Variants in HIP1 observed in about 807,000 individuals in gnomAD.
HIP1 encodes the protein huntingtin-interacting protein 1.
HIP1 carries 65 observed loss-of-function variants against 147.6 expected under a neutral mutation model. That is an observed-to-expected ratio of 0.44 (90% confidence interval 0.36 to 0.54). The LOEUF (loss-of-function observed/expected upper bound fraction) is 0.54. Among genes scored for constraint, HIP1 ranks in the 20% least tolerant of loss-of-function variants. The pLI, the probability that HIP1 is intolerant of heterozygous loss-of-function variation, is 0.00. For missense variants in HIP1, 1,061 were observed against 1,299.6 expected (o/e 0.82, Z 2.82); for synonymous variants, 479 against 504.0 (o/e 0.95, Z 0.67).
rs1199276056 is a variant in HIP1 at position 75,703,602 on chromosome 7, CA to C, written c.120+35198del. ...AGACAACAAGAGCGAAACTCCGTCT[CA>C]AAAAAAAAAACAAAACAAAACAACA... On this transcript the variant is annotated intron_variant, in intron 1 of 30. Transcript: ENST00000336926. 4.0e-4 allele frequency among the ~76,000 whole-genome samples: 51 copies of C among 127,940 alleles called. No individual in the cohort carries two copies. In the East Asian group the frequency reaches 4.1e-3, roughly 10 times the overall value. 83.9% of individuals were successfully genotyped at this position (127,940 alleles called of 152,430 possible). A position where few individuals can be genotyped will look rare whatever the true frequency, so the allele number is the denominator to read the frequency against.
intron 2 of HIP1, among the ~76,000 whole-genome samples, 187 bp from the exon 3 acceptor site, chr7:75,592,701 G>A (rs587755646): frequency 6.6e-6 from 1 of 152,290 alleles, no homozygotes; most frequent in Non-Finnish European, 1.5e-5. Flanking sequence ...AGTAGTGCAA[G>A]TCGTGGTTGG....
At chr7:75,719,083 C>T (rs1212446588) in intron 1 of HIP1, among the ~76,000 whole-genome samples, 1 of 151,820 alleles carries the variant, frequency 6.6e-6, no homozygotes, top group Non-Finnish European at 1.5e-5. Flanking sequence ...TTTGGGAGGC[C>T]GAGGTGGGAG....
chr7:75,613,618 G>T lies in HIP1; in HGVS notation c.121-14371C>A, dbSNP rs79406168. On this transcript the variant is annotated intron_variant, in intron 1 of 30. Transcript: ENST00000336926. ...AAGCTACTTGCAAGTAGTACAGCCA[G>T]CAAGAAGTGGAGCCAGAATTCAAAC... Among the ~76,000 whole-genome samples the T allele has an allele frequency of 8.3e-3, 1,271 of 152,262 alleles. 17 individuals are homozygous for T. The highest frequency in any genetic ancestry group is 0.029 in the African/African-American group (1,221 of 41,552).
intron 1 of HIP1, among the ~76,000 whole-genome samples, chr7:75,717,258 A>C (rs536155851): frequency 2.8e-4 from 43 of 152,288 alleles, no homozygotes; most frequent in African/African-American, 9.9e-4. Context: ...ATTGGTGATA[A>C]ATACACAAAA....
In HIP1 at chr7:75,550,183, T is replaced by C. The variant is rs375957420; in HGVS notation, c.2296-1182A>G. On this transcript the variant is annotated intron_variant, in intron 22 of 30. Transcript: ENST00000336926. ...AGCAAAGCCTATGATTTTTAAAACA[T>C]GATGTGTTATACATACTAAGGTATA... 7.0e-4 allele frequency among the ~76,000 whole-genome samples: 106 copies of C among 152,264 alleles called. 1 individual carries two copies. Among genetic ancestry groups the C allele is most frequent in the African/African-American group, 2.4e-3 (100 of 41,560 alleles).
intron 1 of HIP1, among the ~76,000 whole-genome samples, chr7:75,607,058 C>T (rs888418092): frequency 6.6e-6 from 1 of 151,502 alleles, no homozygotes; most frequent in African/African-American, 2.4e-5. Flanking sequence ...AGCGAGACCC[C>T]ATCTCTAAAA....
chr7:75,595,761 GA>G (rs1302994310), intron 2 of HIP1, among the ~76,000 whole-genome samples: 2 of 151,758 alleles, frequency 1.3e-5, no homozygotes, highest in African/African-American at 4.8e-5. Context: ...CATTCAGGGA[GA>G]AAAAAAAGAA....
chr7:75,595,232 C>CT (rs1563230160), intron 2 of HIP1, among the ~76,000 whole-genome samples: 1 of 111,040 alleles, frequency 9.0e-6, no homozygotes, highest in South Asian at 3.2e-4. Context: ...TTCTTTCTTT[C>CT]TTTCTTTCTT....
At chr7:75,611,958 C>G in intron 1 of HIP1, 1 of 820,074 alleles carries the variant, frequency 1.2e-6, no homozygotes, top group African/African-American at 1.8e-5. Flanking sequence ...AATGGGAAAC[C>G]CTCTGGCCTT....
In HIP1 at chr7:75,599,220, T is replaced by C. The variant is rs1796879200; in HGVS notation, c.148A>G (p.Thr50Ala). 2 of 1,613,458 alleles carry C rather than the reference T, an allele frequency of 1.2e-6. No homozygotes were observed. Among genetic ancestry groups the C allele is most frequent in the Non-Finnish European group, 1.7e-6 (2 of 1,179,378 alleles). The change falls in exon 2 of 31, where the codon ACG (threonine) becomes GCG (alanine). Residue 50 changes from threonine to alanine, a missense_variant. Around this residue, in one of 3 missense-constraint regions of HIP1, gnomAD observed 225 missense variants for 292.9 expected, o/e 0.77. Coordinates refer to ENST00000336926, the MANE Select transcript of HIP1 (RefSeq NM_005338.7). ...QTVSINKAIN[T>A]QEVAVKEKHA... is the part of the protein sequence containing the mutation. ...TTTTCCTTTACAGCCACTTCCTGCG[T>C]ATTAATGGCCTTATTGATGCTGACA...
At chr7:75,556,946 G>T in intron 16 of HIP1, 135 bp from the exon 17 acceptor site, 1 of 561,528 alleles carries the variant, frequency 1.8e-6, no homozygotes. Context: ...CCCCAAAAAA[G>T]TGCAGGGTGT....
chr7:75,690,738 T>A (rs1433982387), intron 1 of HIP1, among the ~76,000 whole-genome samples: 2 of 152,010 alleles, frequency 1.3e-5, no homozygotes, highest in African/African-American at 4.8e-5. Context: ...GGTGCATGCC[T>A]GTAATCCCAG....
chr7:75,554,215 T>C lies in HIP1; in HGVS notation c.2056A>G (p.Ser686Gly). ...SQYLACPEDI[S>G]GLLHSITLLA... ...AGGGTTATGGAATGGAGAAGTCCAC[T>C]GATGTCTGCCAGGATTGGAAAGAGA... The change falls in exon 21 of 31, where the codon AGT (serine) becomes GGT (glycine). Residue 686 changes from serine (S) to glycine (G), a missense_variant. Around this residue, in one of 3 missense-constraint regions of HIP1, gnomAD observed 810 missense variants for 946.8 expected, o/e 0.86. Coordinates refer to ENST00000336926, the MANE Select transcript of HIP1 (RefSeq NM_005338.7). 2 of 1,613,112 alleles carry C rather than the reference T, an allele frequency of 1.2e-6. No homozygotes were observed. The highest frequency in any genetic ancestry group is 1.7e-6 in the Non-Finnish European group (2 of 1,179,184).
In HIP1 at chr7:75,539,426, C is replaced by A; in HGVS notation, c.2958G>T (p.Arg986Ser). The change falls in exon 30 of 31, where the codon AGG becomes AGT. Residue 986 changes from arginine (R) to serine (S), a missense_variant. By Grantham distance (110) the Arg-to-Ser change is moderately radical. Around this residue, in one of 3 missense-constraint regions of HIP1, gnomAD observed 810 missense variants for 946.8 expected, o/e 0.86. Transcript: ENST00000336926. ...IKRQEMDSQV[R>S]VLELENELQK... The stretch of plus-strand genomic sequence containing the variant: ...GCAATTCATTTTCTAGCTCTAGCAC[C>A]CTAACCTGTAAGGGAAATTAAGTGG... The A allele has an allele frequency of 6.2e-7, 1 of 1,612,760 alleles. No individual in the cohort carries two copies. The highest frequency in any genetic ancestry group is 8.5e-7 in the Non-Finnish European group (1 of 1,178,750).
At chr7:75,675,205 T>C (rs1047572106) in intron 1 of HIP1, among the ~76,000 whole-genome samples, 5 of 151,858 alleles carry the variant, frequency 3.3e-5, no homozygotes, top group Non-Finnish European at 7.4e-5. Flanking sequence ...CTGATACTGA[T>C]TTTTTTTCTT....
chr7:75,559,713 G>GGGGCCCCCCCCCC lies in HIP1; in HGVS notation c.1375+18_1375+19insGGGGGGGGGGCCC. ...GCGCCTGCCCCCGGGGCCCGCCCCC[G>GGGGCCCCCCCCCC]CCCCCACCCACCGCTCACTTTCTAT... On this transcript the variant is annotated intron_variant, in intron 14 of 30. Coordinates refer to ENST00000336926, the MANE Select transcript of HIP1 (RefSeq NM_005338.7). 1 of 259,574 alleles carries GGGGCCCCCCCCCC rather than the reference G, an allele frequency of 3.9e-6. No homozygotes were observed. The allele number at this position is 259,574 out of a possible 1,614,324, so 16.1% of individuals were successfully genotyped here.
chr7:75,703,032 T>A (rs1362075674), intron 1 of HIP1, among the ~76,000 whole-genome samples: 1 of 151,812 alleles, frequency 6.6e-6, no homozygotes, highest in Non-Finnish European at 1.5e-5. Context: ...AGACTTCTGG[T>A]AGAGAAAAAA....
chr7:75,682,553 C>G (rs1380592889), intron 1 of HIP1, among the ~76,000 whole-genome samples: 1 of 150,374 alleles, frequency 6.7e-6, no homozygotes, highest in African/African-American at 2.5e-5. Context: ...AGCCACGGTG[C>G]CTGGCCAACA....
intron 1 of HIP1, among the ~76,000 whole-genome samples, chr7:75,725,262 G>A (rs1278733082): frequency 1.3e-5 from 2 of 152,140 alleles, no homozygotes; most frequent in African/African-American, 4.8e-5. Flanking sequence ...CTGGCCTCAA[G>A]TGATCCTCTC....
Sources: allele counts gnomAD v4.1 joint callset (sites outside exome capture counted in the v4.1 genomes callset), GRCh38; gene constraint gnomAD v4.1.1; regional missense constraint gnomAD v4.1.1; transcripts MANE v1.5; gene names NCBI Gene and HGNC (gene_info 2026-07-23, HGNC 2026-07-21).